The following TASOR2 variants were observed in gnomAD, a reference collection of about 807,000 sequenced individuals.
The protein encoded by TASOR2 is transcription activation suppressor family member 2, also known as protein TASOR 2.
TASOR2 carries 84 observed loss-of-function variants against 199.5 expected under a neutral mutation model. The observed-to-expected ratio is 0.42, with a 90% CI of 0.35 to 0.50. The LOEUF is 0.50. Ranked by LOEUF, TASOR2 falls within the 20% of genes least tolerant of loss-of-function variation. TASOR2 has a pLI of 0.02. For synonymous variants in TASOR2, 1,103 were observed against 1,046.6 expected (o/e 1.05, Z -1.04); for missense variants, 2,796 against 2,835.9 (o/e 0.99, Z 0.32).
chr10:5,699,822 AT>A lies in TASOR2; in HGVS notation c.-287-12998del. On this transcript the variant is annotated intron_variant, in intron 1 of 20. Transcript: ENST00000328090. This position sits in a 1 kb window ranked among gnomAD's most constrained non-coding sequence, Gnocchi z 4.1. ...AGAAAAATGAGTAAAACAGGTACAC[AT>A]TTATTTTTATTGATGCGTAATAGAT... 1 of 749,984 alleles carries A rather than the reference AT, an allele frequency of 1.3e-6. No individual in the cohort carries two copies. The highest frequency in any genetic ancestry group is 1.6e-6 in the Non-Finnish European group (1 of 615,280). The allele number at this position is 749,984 out of a possible 1,614,324, so 46.5% of individuals were successfully genotyped here. A position where few individuals can be genotyped will look rare whatever the true frequency, so the allele number is the denominator to read the frequency against.
Position 5,762,527 on chromosome 10 carries a change from A to AAAAGACAAGCCT in TASOR2, c.7175-4_7175-3insAAGACAAGCCTA. ...CCAAAAGTTGTTTTTTTTTTTTTTT[A>AAAAGACAAGCCT]ACAGACAAGCCTACTATCCCCAGAG... On this transcript the variant is annotated splice_region_variant and splice_polypyrimidine_tract_variant and intron_variant, in intron 19 of 20. Transcript: ENST00000328090. 1.9e-6 allele frequency: 1 copy of AAAAGACAAGCCT among 518,482 alleles called. No homozygotes were observed. Among genetic ancestry groups the AAAAGACAAGCCT allele is most frequent in the Non-Finnish European group, 2.8e-6 (1 of 354,644 alleles). The allele number at this position is 518,482 out of a possible 1,614,324, so 32.1% of individuals were successfully genotyped here.
chr10:5,721,272 T>G (rs1435302539), intron 6 of TASOR2, among the ~76,000 whole-genome samples: 1 of 152,246 alleles, frequency 6.6e-6, no homozygotes, highest in Non-Finnish European at 1.5e-5. Flanking sequence ...TTATAGCCAC[T>G]TAATCGTATT....
In TASOR2 at chr10:5,720,844, G is replaced by GTT; in HGVS notation, c.47-25_47-24dup. 2 of 1,593,330 alleles carry GTT rather than the reference G, an allele frequency of 1.3e-6. No homozygotes were observed. Among genetic ancestry groups the GTT allele is most frequent in the Middle Eastern group, 3.4e-4 (2 of 5,940 alleles). On this transcript the variant is annotated intron_variant, in intron 5 of 20. Transcript: ENST00000328090. The surrounding 1 kb of genome is among the most constrained non-coding windows in gnomAD (Gnocchi z 5.3). ...GTAAATGTTTCATCATAAATAATCA[G>GTT]TTTCTTTTTTACCTTCATTTCTTCA...
At chr10:5,718,037 G>C (rs995861880) in intron 3 of TASOR2, among the ~76,000 whole-genome samples, 3 of 152,136 alleles carry the variant, frequency 2.0e-5, no homozygotes, top group Non-Finnish European at 4.4e-5. Flanking sequence ...AAAACAAGTA[G>C]CTGCTTATAA....
chr10:5,694,405 C>A (rs761759025), intron 1 of TASOR2, among the ~76,000 whole-genome samples: 1 of 152,186 alleles, frequency 6.6e-6, no homozygotes, highest in African/African-American at 2.4e-5. Context: ...AGGCACTGTT[C>A]TGAGCACTGG....
At position 5,706,519 on chromosome 10, in the gene TASOR2, G is replaced by A. The variant is rs1003766673; in HGVS notation, c.-287-6304G>A. Among the ~76,000 whole-genome samples, 1 of 152,154 alleles carries A rather than the reference G, an allele frequency of 6.6e-6. No homozygotes were observed. The highest frequency in any genetic ancestry group is 2.4e-5 in the African/African-American group (1 of 41,420). On this transcript the variant is annotated intron_variant, in intron 1 of 20. Coordinates refer to ENST00000328090, the Ensembl canonical transcript of TASOR2. The surrounding 1 kb of genome is among the most constrained non-coding windows in gnomAD (Gnocchi z 4.8). The stretch of plus-strand genomic sequence containing the variant: ...CCTTCCAAAAAAAAGAAAAGAAGCT[G>A]CTCAAAACAGACAAAATCTTTGATC...
chr10:5,740,158 A>T lies in TASOR2; in HGVS notation c.1988A>T (p.His663Leu). 6.2e-7 allele frequency: 1 copy of T among 1,614,212 alleles called. No individual in the cohort carries two copies. The highest frequency in any genetic ancestry group is 8.5e-7 in the Non-Finnish European group (1 of 1,180,038). ...TCATATGCCCTGCTCCTTACAGAAC[A>T]TTCAAAGAAACATCTACAGGAGAGA... The change falls in exon 13 of 21, where the codon CAT becomes CTT. Residue 663 changes from histidine (H) to leucine (L), a missense_variant. His to Leu is a moderately conservative substitution (Grantham distance 99). This residue lies in a region of TASOR2 where 847 missense variants were observed against 887.4 expected (regional missense o/e 0.95). Transcript: ENST00000328090. This position sits in a 1 kb window ranked among gnomAD's most constrained non-coding sequence, Gnocchi z 5.3.
Position 5,685,065 on chromosome 10 carries a change from C to T in TASOR2, c.-398C>T. ...GCCGGCGACTGGTGCTTCCCACGTG[C>T]GCCGGTGTCGCGAGGGCCCGGGAGG... On this transcript the variant is annotated 5_prime_UTR_variant, in exon 1 of 21. Coordinates refer to ENST00000328090, the Ensembl canonical transcript of TASOR2. This position sits in a 1 kb window ranked among gnomAD's most constrained non-coding sequence, Gnocchi z 5.4. 1 of 398,068 alleles carries T rather than the reference C, an allele frequency of 2.5e-6. No individual in the cohort carries two copies. Among genetic ancestry groups the T allele is most frequent in the Non-Finnish European group, 4.4e-6 (1 of 225,616 alleles). The allele number at this position is 398,068 out of a possible 1,614,324, so 24.7% of individuals were successfully genotyped here.
intron 2 of TASOR2, 111 bp downstream of exon 3, chr10:5,714,318 G>T (rs774958942): frequency 3.7e-5 from 20 of 543,184 alleles, no homozygotes; most frequent in Non-Finnish European, 4.7e-5. Context: ...TTCATTAAAT[G>T]TCAAACAGTT....
chr10:5,762,830 T>G (rs1192096187), intron 20 of TASOR2, 184 bp downstream of exon 21: 1 of 632,614 alleles, frequency 1.6e-6, no homozygotes, highest in Non-Finnish European at 2.7e-6. Flanking sequence ...AAATTATCAC[T>G]AAATGAAGTA....
At position 5,724,492 on chromosome 10, in the gene TASOR2, A is replaced by G. The variant is rs770664519; in HGVS notation, c.310A>G (p.Asn104Asp). 2.0e-6 allele frequency: 3 copies of G among 1,521,398 alleles called. No individual in the cohort carries two copies. The African/African-American group carries it at 4.3e-5, about 22-fold the overall frequency. 94.2% of individuals were successfully genotyped at this position (1,521,398 alleles called of 1,614,324 possible). A position where few individuals can be genotyped will look rare whatever the true frequency, so the allele number is the denominator to read the frequency against. ...AGAACTGTCAAACAGACAAGGGGAA[A>G]ATATAGATAAATTAACAGAATGTAT... The change falls in exon 8 of 21, where the codon AAT (asparagine) becomes GAT (aspartate). Residue 104 changes from asparagine to aspartate, a missense_variant. Physicochemically the swap from Asn to Asp is conservative, Grantham distance 23. Coordinates refer to ENST00000328090, the Ensembl canonical transcript of TASOR2.
Position 5,746,650 on chromosome 10 carries a change from A to G in TASOR2, c.3229A>G (p.Thr1077Ala), listed in dbSNP as rs765438957. 3 of 1,614,114 alleles carry G rather than the reference A, an allele frequency of 1.9e-6. No individual in the cohort carries two copies. Among genetic ancestry groups the G allele is most frequent in the Non-Finnish European group, 2.5e-6 (3 of 1,180,014 alleles). The change falls in exon 15 of 21, where the codon ACC (threonine) becomes GCC (alanine). Residue 1077 changes from threonine to alanine, a missense_variant. Around this residue, in one of 3 missense-constraint regions of TASOR2, gnomAD observed 1,941 missense variants for 1,924.9 expected, o/e 1.01. Transcript: ENST00000328090. ...TGTAAATACTGCTGATGAACGTACAACCTTTAAGAAGGAGTTGATTAAGCA... is the reference window on the plus strand; with the variant it reads ...TGTAAATACTGCTGATGAACGTACAGCCTTTAAGAAGGAGTTGATTAAGCA...
intron 1 of TASOR2, chr10:5,712,529 T>C: frequency 8.1e-7 from 1 of 1,231,616 alleles, no homozygotes; most frequent in Non-Finnish European, 1.0e-6. Context: ...AATGACATTT[T>C]CTTAAATGAG....
chr10:5,718,535 G>T (rs10905029), intron 3 of TASOR2, among the ~76,000 whole-genome samples: 1 of 151,518 alleles, frequency 6.6e-6, no homozygotes, highest in Non-Finnish European at 1.5e-5. Flanking sequence ...ATCACCTGAG[G>T]TCAGGAGTTT....
Position 5,689,059 on chromosome 10 carries a change from ACT to A in TASOR2, c.-288+3886_-288+3887del, listed in dbSNP as rs1456282363. ...TATTGAAGATCTATTGATGATGAAC[ACT>A]CAGTTTTTGTTCACCTGAAAATGTC... On this transcript the variant is annotated intron_variant, in intron 1 of 20. Transcript: ENST00000328090. This position sits in a 1 kb window ranked among gnomAD's most constrained non-coding sequence, Gnocchi z 4.1. Among the ~76,000 whole-genome samples the A allele has an allele frequency of 2.0e-5, 3 of 151,996 alleles. No homozygotes were observed. The highest frequency in any genetic ancestry group is 7.3e-5 in the African/African-American group (3 of 41,376).
At chr10:5,755,761 AACTGCTTGAGACTAGCTTGGGCAAC>A (rs1261570240) in intron 15 of TASOR2, among the ~76,000 whole-genome samples, 6 of 151,928 alleles carry the variant, frequency 3.9e-5, no homozygotes, top group African/African-American at 1.2e-4. Context: ...GAGGTAAGAG[AACTGCTTGAGACTAGCTTGGGCAAC>A]ACTGCTTGAG....
chr10:5,747,868 T>C, exon 15 of TASOR2: 2 of 1,613,782 alleles, frequency 1.2e-6, no homozygotes, highest in African/African-American at 1.3e-5. Flanking sequence ...GCCTCTAATA[T>C]TAACTGATCA....
intron 1 of TASOR2, among the ~76,000 whole-genome samples, chr10:5,700,343 C>T (rs1337158717): frequency 2.6e-5 from 4 of 151,890 alleles, no homozygotes; most frequent in Non-Finnish European, 4.4e-5. Flanking sequence ...TTGATGGACA[C>T]TGAGGTTGAT....
In TASOR2 at chr10:5,730,065, G is replaced by A. The variant is rs912212092; in HGVS notation, c.488-422G>A. The stretch of plus-strand genomic sequence containing the variant: ...AACTTCTGAAAAGAATTTGAAGTGA[G>A]TTCAGTAAGGTACAGCTACAGTAAA... On this transcript the variant is annotated intron_variant, in intron 10 of 20. Transcript: ENST00000328090. The surrounding 1 kb of genome is among the most constrained non-coding windows in gnomAD (Gnocchi z 4.1). 6.6e-6 allele frequency among the ~76,000 whole-genome samples: 1 copy of A among 152,168 alleles called. No homozygotes were observed. The highest frequency in any genetic ancestry group is 2.4e-5 in the African/African-American group (1 of 41,426).
Sources: allele counts gnomAD v4.1 joint callset (sites outside exome capture counted in the v4.1 genomes callset), GRCh38; gene constraint gnomAD v4.1.1; regional missense constraint gnomAD v4.1.1; non-coding constraint Gnocchi (gnomAD v3.1); transcripts MANE v1.5; gene names NCBI Gene and HGNC (gene_info 2026-07-23, HGNC 2026-07-21).